Variants in SLIT3 observed in about 807,000 individuals in gnomAD.
SLIT3 encodes the protein slit guidance ligand 3.
Under a neutral mutation model 184.0 loss-of-function variants are expected in SLIT3, and 68 were observed. The ratio of observed to expected loss-of-function variants is 0.37; its 90% CI spans 0.30 to 0.45. The LOEUF is 0.45. SLIT3 is among the 20% of genes least tolerant of loss of function. The pLI is 1.00. For missense variants in SLIT3, 1,707 were observed against 2,026.0 expected (o/e 0.84, Z 3.02); for synonymous variants, 831 against 828.6 (o/e 1.00, Z -0.05).
chr5:168,783,677 G>A (rs1443929433), intron 12 of SLIT3, among the ~76,000 whole-genome samples: 1 of 152,208 alleles, frequency 6.6e-6, no homozygotes, highest in Non-Finnish European at 1.5e-5. Context: ...CTTCTTATCA[G>A]TGTCTCCAGT....
intron 4 of SLIT3, among the ~76,000 whole-genome samples, chr5:169,039,452 G>T (rs770292085): frequency 2.0e-5 from 3 of 151,864 alleles, no homozygotes; most frequent in Non-Finnish European, 4.4e-5. Context: ...GAGTAGCTAG[G>T]ACTATAGGCG....
chr5:169,231,877 T>C (rs12716240), intron 3 of SLIT3, among the ~76,000 whole-genome samples: 38,483 of 152,158 alleles, frequency 0.25, 5,709 homozygotes, highest in Non-Finnish European at 0.34. Context: ...GTATGTGTCA[T>C]TGTGGTTTTA....
rs200160243 is a variant in SLIT3, at chr5:169,077,538, C to CAA, written c.413+115939_413+115940dup. Among the ~76,000 whole-genome samples the CAA allele has an allele frequency of 8.6e-3, 1,286 of 150,404 alleles. 15 individuals carry two copies. Among genetic ancestry groups the CAA allele is most frequent in the African/African-American group, 0.03 (1,222 of 40,394 alleles). ...TGGGTGACAGAGTGAGACCCCGTCT[C>CAA]AAAAAAACAAAAAACAAAAAACAAA... is the stretch of plus-strand genomic sequence containing the variant. On this transcript the variant is annotated intron_variant, in intron 4 of 35. Transcript: ENST00000519560.
intron 4 of SLIT3, among the ~76,000 whole-genome samples, chr5:169,187,111 G>GTT (rs761501769): frequency 0.011 from 1,084 of 94,382 alleles, 95 homozygotes; most frequent in African/African-American, 0.036. Flanking sequence ...GCAGCTATAG[G>GTT]TTTTTTTTTT....
intron 4 of SLIT3, among the ~76,000 whole-genome samples, chr5:169,165,227 C>T (rs1482533973): frequency 1.3e-5 from 2 of 152,224 alleles, no homozygotes; most frequent in African/African-American, 4.8e-5. Flanking sequence ...TGAGAAACCT[C>T]AGAAGGGCTG....
chr5:169,290,683 TGCTGGGGCACGC>T (rs1767331608), intron 1 of SLIT3, among the ~76,000 whole-genome samples: 1 of 133,850 alleles, frequency 7.5e-6, no homozygotes, highest in Non-Finnish European at 1.6e-5. Flanking sequence ...CTAGGGCACA[TGCTGGGGCACGC>T]ACTAGGGCAC....
intron 1 of SLIT3, among the ~76,000 whole-genome samples, chr5:169,259,252 T>G (rs201204581): frequency 7.4e-6 from 1 of 134,938 alleles, no homozygotes; most frequent in African/African-American, 3.4e-5. Flanking sequence ...AGAGACGGGG[T>G]TTCACCAGGT....
At chr5:168,666,758 G>C (rs1761065547) in intron 35 of SLIT3, 69 bp from the exon 36 acceptor site, 1 of 1,608,202 alleles carries the variant, frequency 6.2e-7, no homozygotes, top group East Asian at 2.2e-5. Context: ...CAGTTCCCAG[G>C]TAGGCTGCTT....
chr5:168,917,982 A>G (rs1390641789), intron 4 of SLIT3, among the ~76,000 whole-genome samples: 1 of 152,124 alleles, frequency 6.6e-6, no homozygotes, highest in Non-Finnish European at 1.5e-5. Context: ...TTGATTACAA[A>G]TATATTTCTA....
intron 4 of SLIT3, among the ~76,000 whole-genome samples, chr5:168,910,896 C>T (rs1452606558): frequency 6.6e-6 from 1 of 152,108 alleles, no homozygotes; most frequent in Non-Finnish European, 1.5e-5. Context: ...TTCAGAAGGG[C>T]AACTAGAGCC....
At chr5:169,186,377 A>C (rs1393260047) in intron 4 of SLIT3, among the ~76,000 whole-genome samples, 1 of 152,226 alleles carries the variant, frequency 6.6e-6, no homozygotes, top group East Asian at 1.9e-4. Context: ...GAACTAATCC[A>C]GCCAGCATCT....
intron 23 of SLIT3, among the ~76,000 whole-genome samples, chr5:168,714,482 C>A (rs1762657147): frequency 1.3e-5 from 2 of 152,126 alleles, no homozygotes; most frequent in African/African-American, 4.8e-5. Context: ...ACTCAGGAGG[C>A]TGAGGCAGGA....
chr5:168,986,706 T>C (rs954682366), intron 4 of SLIT3, among the ~76,000 whole-genome samples: 3 of 152,212 alleles, frequency 2.0e-5, no homozygotes, highest in African/African-American at 7.2e-5. Flanking sequence ...GGGTTCACAT[T>C]GTGACTCCTT....
intron 4 of SLIT3, among the ~76,000 whole-genome samples, chr5:169,182,188 C>T (rs1231926895): frequency 3.9e-5 from 6 of 151,964 alleles, no homozygotes; most frequent in South Asian, 2.1e-4. Context: ...AGAAAAGGAA[C>T]GATGGGAAAA....
chr5:168,754,022 C>T lies in SLIT3; in HGVS notation c.1686-15G>A, dbSNP rs1324115039. The T allele has an allele frequency of 2.4e-5, 38 of 1,556,028 alleles. No homozygotes were observed. Among genetic ancestry groups the T allele is most frequent in the Non-Finnish European group, 3.3e-5 (38 of 1,155,094 alleles). ...TACTCAGATTTCTAGAAGGAAGAAA[C>T]AGAATAGGGGAGAATCAAAAGGAGC... is the stretch of plus-strand genomic sequence containing the variant. On this transcript the variant is annotated splice_polypyrimidine_tract_variant and intron_variant, in intron 16 of 35. Transcript: ENST00000519560.
intron 16 of SLIT3, among the ~76,000 whole-genome samples, chr5:168,755,410 T>TTCCTTCCTTCCTTCCTTCCTTCC (rs1491571532): frequency 4.0e-5 from 1 of 25,038 alleles, no homozygotes; most frequent in Non-Finnish European, 6.9e-5. Flanking sequence ...TCTTTCTTTC[T>TTCCTTCCTTCCTTCCTTCCTTCC]TTCTTTCTTT....
chr5:168,802,440 GT>G (rs1756801228), intron 9 of SLIT3, among the ~76,000 whole-genome samples: 1 of 152,128 alleles, frequency 6.6e-6, no homozygotes, highest in Non-Finnish European at 1.5e-5. Context: ...TAATTTTTCA[GT>G]TTCATTTTAT....
intron 4 of SLIT3, among the ~76,000 whole-genome samples, chr5:169,060,735 G>A (rs1045839230): frequency 6.6e-6 from 1 of 152,234 alleles, no homozygotes; most frequent in Admixed American, 6.5e-5. Flanking sequence ...AGGCAGAGAA[G>A]TTCTATGAAC....
chr5:169,240,291 T>C (rs1443569670), intron 3 of SLIT3, among the ~76,000 whole-genome samples: 1 of 151,918 alleles, frequency 6.6e-6, no homozygotes, highest in Non-Finnish European at 1.5e-5. Flanking sequence ...TTCTATATTT[T>C]TACCAAGAAT....
Sources: allele counts gnomAD v4.1 joint callset (sites outside exome capture counted in the v4.1 genomes callset), GRCh38; gene constraint gnomAD v4.1.1; transcripts MANE v1.5; gene names NCBI Gene and HGNC (gene_info 2026-07-23, HGNC 2026-07-21).